Variants in BSN observed in about 807,000 individuals in gnomAD.
The protein encoded by BSN is bassoon presynaptic cytomatrix protein.
In BSN, 57 loss-of-function variants were observed where a neutral mutation model predicts 264.8. That is an observed-to-expected ratio of 0.22 (90% CI 0.17 to 0.27). BSN has a LOEUF of 0.27. BSN is among the 10% of genes least tolerant of loss of function. The probability of loss-of-function intolerance (pLI) is 1.00; values close to 1 mark genes in which losing one functional copy is unlikely to be tolerated. For missense variants in BSN, 4,615 were observed against 5,232.5 expected (o/e 0.88, Z 3.64); for synonymous variants, 2,059 against 2,137.3 (o/e 0.96, Z 1.01).
chr3:49,555,880 A>G (rs1476611180), intron 1 of BSN, among the ~76,000 whole-genome samples: 1 of 152,224 alleles, frequency 6.6e-6, no homozygotes, highest in Non-Finnish European at 1.5e-5. Flanking sequence ...CTGAGGACGC[A>G]TAATTTTTTA....
In BSN at chr3:49,620,502, T is replaced by G. The variant is rs1179341184; in HGVS notation, c.225-4473T>G. Among the ~76,000 whole-genome samples the G allele has an allele frequency of 2.0e-5, 3 of 150,088 alleles. No homozygotes were observed. In the East Asian group the frequency reaches 5.8e-4, roughly 29 times the overall value. On this transcript the variant is annotated intron_variant, in intron 1 of 11. Coordinates refer to ENST00000296452, the MANE Select transcript of BSN (RefSeq NM_003458.4). ...CAAATCCAATGGCCAAATGCACATG[T>G]CAGGAGTGGGCCTGGCATAAGGGAA...
chr3:49,613,821 A>G (rs533737079), intron 1 of BSN, among the ~76,000 whole-genome samples: 2 of 152,064 alleles, frequency 1.3e-5, no homozygotes, highest in South Asian at 2.1e-4. Flanking sequence ...GTTCAAGTGT[A>G]AAGGTCATGA....
chr3:49,600,675 G>A (rs1386058974), intron 1 of BSN, among the ~76,000 whole-genome samples: 4 of 152,078 alleles, frequency 2.6e-5, no homozygotes, highest in Admixed American at 6.5e-5. Flanking sequence ...GTGGTGAAGC[G>A]TGCCTGTAAT....
intron 3 of BSN, among the ~76,000 whole-genome samples, chr3:49,647,599 G>C (rs2052510534): frequency 6.6e-6 from 1 of 152,198 alleles, no homozygotes; most frequent in African/African-American, 2.4e-5. Flanking sequence ...ATGGATGGCT[G>C]AATGAGGAAT....
intron 1 of BSN, among the ~76,000 whole-genome samples, chr3:49,619,364 C>G (rs1342329332): frequency 6.6e-6 from 1 of 152,214 alleles, no homozygotes; most frequent in Admixed American, 6.5e-5. Context: ...ACGTAAGCAG[C>G]TCTTCAGAAA....
Position 49,653,316 on chromosome 3 carries a change from G to A in BSN, c.3760G>A (p.Ala1254Thr), listed in dbSNP as rs1179654166. 2 of 1,612,174 alleles carry A rather than the reference G, an allele frequency of 1.2e-6. No individual in the cohort carries two copies. The highest frequency in any genetic ancestry group is 2.7e-5 in the African/African-American group (2 of 74,910). ...AGAGGGCACGCCAGCCAGCCTGGGA[G>A]CAGCCGTGTACGAAGAAATCCTTCA... ...AAEGTPASLG[A>T]AVYEEILQTS... The change falls in exon 5 of 12, where the codon GCA (alanine) becomes ACA (threonine). Residue 1254 changes from alanine (A) to threonine (T), a missense_variant. Ala to Thr is a moderately conservative substitution (Grantham distance 58). This residue lies in a region of BSN where 3,415 missense variants were observed against 3,866.4 expected (regional missense o/e 0.88). Transcript: ENST00000296452. The surrounding 1 kb of genome is among the most constrained non-coding windows in gnomAD (Gnocchi z 6.3).
intron 1 of BSN, among the ~76,000 whole-genome samples, chr3:49,578,091 C>T (rs2051860459): frequency 6.6e-6 from 1 of 152,152 alleles, no homozygotes; most frequent in African/African-American, 2.4e-5. Flanking sequence ...TTTGTGGATG[C>T]TTAATACATT....
rs199588705 is a variant in BSN, at chr3:49,658,078, G to A, written c.8522G>A (p.Arg2841His). Residue 2841 changes from arginine (R) to histidine (H), a missense_variant, in exon 5 of 12, where the codon CGC (arginine) becomes CAC (histidine). Coordinates refer to ENST00000296452, the MANE Select transcript of BSN (RefSeq NM_003458.4). ...DSALRQQTLP[R>H]PMKTLQRSLS... is the part of the protein sequence containing the mutation. ...GCTCTCCGCCAGCAGACGCTGCCTCGCCCCATGAAGACCCTGCAGCGGTCC... is the reference window on the plus strand; with the variant it reads ...GCTCTCCGCCAGCAGACGCTGCCTCACCCCATGAAGACCCTGCAGCGGTCC... The A allele has an allele frequency of 8.7e-6, 14 of 1,613,128 alleles. No homozygotes were observed. Among genetic ancestry groups the A allele is most frequent in the Middle Eastern group, 1.6e-4 (1 of 6,080 alleles).
At position 49,650,600 on chromosome 3, in the gene BSN, A is replaced by G. The variant is rs2052533052; in HGVS notation, c.1519-12A>G. ...TTAATTTTCATCAACCCCCTCTCCC[A>G]TTTCCTTGCAGAAAACAGAGTGGCT... On this transcript the variant is annotated splice_polypyrimidine_tract_variant and intron_variant, in intron 3 of 11. Coordinates refer to ENST00000296452, the MANE Select transcript of BSN (RefSeq NM_003458.4). 2 of 1,583,030 alleles carry G rather than the reference A, an allele frequency of 1.3e-6. No homozygotes were observed. Among genetic ancestry groups the G allele is most frequent in the Non-Finnish European group, 1.7e-6 (2 of 1,172,000 alleles).
At chr3:49,606,140 AT>A (rs1199698775) in intron 1 of BSN, among the ~76,000 whole-genome samples, 8 of 67,370 alleles carry the variant, frequency 1.2e-4, no homozygotes, top group Admixed American at 2.7e-4. Flanking sequence ...ATATACATAT[AT>A]TATATATGTA....
At chr3:49,563,262 G>T (rs1191577367) in intron 1 of BSN, among the ~76,000 whole-genome samples, 1 of 152,120 alleles carries the variant, frequency 6.6e-6, no homozygotes, top group Non-Finnish European at 1.5e-5. Context: ...AGGGGCTCTC[G>T]GAAAACTGAT....
rs1359590788 is a variant in BSN, at chr3:49,654,984, C to T, written c.5428C>T (p.Pro1810Ser). 2 of 1,613,120 alleles carry T rather than the reference C, an allele frequency of 1.2e-6. No homozygotes were observed. Among genetic ancestry groups the T allele is most frequent in the South Asian group, 1.1e-5 (1 of 91,040 alleles). The change falls in exon 5 of 12, where the codon CCT (proline) becomes TCT (serine). Residue 1810 changes from proline (P) to serine (S), a missense_variant. By Grantham distance (74) the Pro-to-Ser change is moderately conservative. This residue lies in a region of BSN where 3,415 missense variants were observed against 3,866.4 expected (regional missense o/e 0.88). Coordinates refer to ENST00000296452, the MANE Select transcript of BSN (RefSeq NM_003458.4). The surrounding 1 kb of genome is among the most constrained non-coding windows in gnomAD (Gnocchi z 4.1). ...ATATAACCTACCCAACCAAGTAGCT[C>T]CTCTGGCCAGAAGAGACGTTTTGAT... ...ARYNLPNQVA[P>S]LARRDVLITQ...
intron 1 of BSN, among the ~76,000 whole-genome samples, chr3:49,580,662 T>C (rs2051889543): frequency 1.3e-5 from 2 of 152,144 alleles, no homozygotes; most frequent in African/African-American, 4.8e-5. Flanking sequence ...TTTTACTATA[T>C]AGTCTAGACT....
Position 49,663,764 on chromosome 3 carries a change from T to C in BSN, c.11509-23T>C, listed in dbSNP as rs199954701. 5 of 1,613,656 alleles carry C rather than the reference T, an allele frequency of 3.1e-6. No individual in the cohort carries two copies. The African/African-American group carries it at 5.3e-5, about 17-fold the overall frequency. ...TCCAGGCTGGGCATGGGCAGAATCT[T>C]AGCTATAGGTTCTGTGTTGCAGCCA... On this transcript the variant is annotated intron_variant, in intron 7 of 11. Transcript: ENST00000296452.
At chr3:49,572,689 A>G (rs573408197) in intron 1 of BSN, among the ~76,000 whole-genome samples, 1 of 152,126 alleles carries the variant, frequency 6.6e-6, no homozygotes, top group South Asian at 2.1e-4. Context: ...ACCCGCCACC[A>G]CGCCCGGCTA....
At chr3:49,600,817 A>C (rs2052068162) in intron 1 of BSN, among the ~76,000 whole-genome samples, 1 of 151,736 alleles carries the variant, frequency 6.6e-6, no homozygotes, top group South Asian at 2.1e-4. Flanking sequence ...AAAATAAATA[A>C]GTAAATAAAG....
At chr3:49,591,606 G>T (rs1337651912) in intron 1 of BSN, among the ~76,000 whole-genome samples, 6 of 148,080 alleles carry the variant, frequency 4.1e-5, no homozygotes, top group Non-Finnish European at 6.0e-5. Context: ...TTTTGTTTTT[G>T]TTTTTTTTTG....
Position 49,625,509 on chromosome 3 carries a change from C to A in BSN, c.633+126C>A. 2 of 973,134 alleles carry A rather than the reference C, an allele frequency of 2.1e-6. No individual in the cohort carries two copies. The highest frequency in any genetic ancestry group is 2.8e-6 in the Non-Finnish European group (2 of 716,344). 60.3% of individuals were successfully genotyped at this position (973,134 alleles called of 1,614,324 possible). On this transcript the variant is annotated intron_variant, in intron 2 of 11. Transcript: ENST00000296452. This position sits in a 1 kb window ranked among gnomAD's most constrained non-coding sequence, Gnocchi z 4.4. ...TTCCCTTGACCACCAGCATTTGTGT[C>A]CTCCTGCAGGGATGTGTCCTGGTTC... is the stretch of plus-strand genomic sequence containing the variant.
intron 1 of BSN, among the ~76,000 whole-genome samples, chr3:49,581,910 A>G (rs1460903173): frequency 2.6e-5 from 4 of 152,140 alleles, no homozygotes; most frequent in African/African-American, 9.7e-5. Flanking sequence ...TCCCCTGAGG[A>G]TAAGTGGGGG....
Sources: allele counts gnomAD v4.1 joint callset (sites outside exome capture counted in the v4.1 genomes callset), GRCh38; gene constraint gnomAD v4.1.1; regional missense constraint gnomAD v4.1.1; non-coding constraint Gnocchi (gnomAD v3.1); transcripts MANE v1.5; gene names NCBI Gene and HGNC (gene_info 2026-07-23, HGNC 2026-07-21).